Variants in MCTP2 observed in about 807,000 individuals in gnomAD.
MCTP2 encodes multiple C2 and transmembrane domain-containing protein 2.
In MCTP2, 132 loss-of-function variants were observed where a neutral mutation model predicts 111.6. The ratio of observed to expected loss-of-function variants is 1.18; its 90% CI spans 1.03 to 1.37. MCTP2 has a LOEUF of 1.37. Ranked by LOEUF, MCTP2 falls within the 40% of genes most tolerant of loss-of-function variation. MCTP2 has a pLI of 0.00. For missense variants in MCTP2, 1,183 were observed against 1,067.9 expected, an observed-to-expected ratio of 1.11 and a Z score of -1.50; for synonymous variants, 395 against 387.7, an observed-to-expected ratio of 1.02 and a Z score of -0.22.
intron 14 of MCTP2, among the ~76,000 whole-genome samples, chr15:94,392,880 C>T (rs564148600): frequency 1.3e-5 from 2 of 151,964 alleles, no homozygotes; most frequent in Non-Finnish European, 2.9e-5. Flanking sequence ...GAGCTATTCC[C>T]TCTATTTTCT....
At chr15:94,285,952 C>T (rs2074734090) in intron 1 of MCTP2, among the ~76,000 whole-genome samples, 1 of 152,140 alleles carries the variant, frequency 6.6e-6, no homozygotes, top group African/African-American at 2.4e-5. Flanking sequence ...GAAGGGGTTT[C>T]TGTCCACGTG....
At chr15:94,236,658 T>C (rs1385327692) in intron 1 of MCTP2, among the ~76,000 whole-genome samples, 1 of 152,156 alleles carries the variant, frequency 6.6e-6, no homozygotes, top group East Asian at 1.9e-4. Context: ...GGTCACTGGT[T>C]GCCTGCCTAG....
intron 3 of MCTP2, among the ~76,000 whole-genome samples, chr15:94,315,025 G>C (rs1035068843): frequency 6.6e-6 from 1 of 152,206 alleles, no homozygotes. Flanking sequence ...GGGGGCATCA[G>C]CTGAGTGCCC....
intron 18 of MCTP2, among the ~76,000 whole-genome samples, chr15:94,442,288 A>G (rs946721872): frequency 7.9e-5 from 12 of 152,296 alleles, no homozygotes; most frequent in African/African-American, 2.9e-4. Context: ...CAAGATTTTT[A>G]TATTCATCTA....
intron 1 of MCTP2, among the ~76,000 whole-genome samples, chr15:94,243,715 G>C (rs2071348625): frequency 7.9e-6 from 1 of 126,464 alleles, no homozygotes; most frequent in African/African-American, 3.4e-5. Context: ...ACACATATAT[G>C]TATACACATA....
At chr15:94,353,265 T>C (rs986606347) in intron 8 of MCTP2, among the ~76,000 whole-genome samples, 12 of 152,166 alleles carry the variant, frequency 7.9e-5, no homozygotes, top group Non-Finnish European at 4.4e-5. Flanking sequence ...GATGTTATGG[T>C]GTAATGCAGC....
intron 7 of MCTP2, among the ~76,000 whole-genome samples, chr15:94,344,808 G>T (rs779041306): frequency 1.9e-4 from 29 of 152,114 alleles, no homozygotes; most frequent in Non-Finnish European, 2.2e-4. Flanking sequence ...AAACCTTTCT[G>T]CTTTTTTAGA....
chr15:94,266,632 G>A (rs760439342), intron 1 of MCTP2, among the ~76,000 whole-genome samples: 37 of 152,166 alleles, frequency 2.4e-4, no homozygotes, highest in Non-Finnish European at 4.3e-4. Flanking sequence ...TGCTGTAGTT[G>A]GGCGGTAGGT....
intron 1 of MCTP2, among the ~76,000 whole-genome samples, chr15:94,274,586 T>C (rs1160073416): frequency 6.6e-6 from 1 of 152,120 alleles, no homozygotes; most frequent in Non-Finnish European, 1.5e-5. Flanking sequence ...ATATTATGAA[T>C]AACTCTAGTC....
At position 94,384,030 on chromosome 15, in the gene MCTP2, G is replaced by A. The variant is rs753416985; in HGVS notation, c.1591G>A (p.Asp531Asn). The A allele has an allele frequency of 6.2e-7, 1 of 1,612,468 alleles. No homozygotes were observed. Among genetic ancestry groups the A allele is most frequent in the East Asian group, 2.2e-5 (1 of 44,802 alleles). Residue 531 changes from aspartate (D) to asparagine (N), a missense_variant, in exon 13 of 23, where the codon GAC becomes AAC. By Grantham distance (23) the Asp-to-Asn change is conservative (BLOSUM62 1). Transcript: ENST00000357742. ...LLAADFSGKS[D>N]PFCLLELGND... ...GTATGTTATCTTTCCAGGGAAGAGT[G>A]ACCCATTTTGCTTGTTGGAGTTAGG...
chr15:94,305,506 A>G (rs2152346175), intron 2 of MCTP2, among the ~76,000 whole-genome samples: 1 of 152,198 alleles, frequency 6.6e-6, no homozygotes. Flanking sequence ...TATGTATGGG[A>G]GTGTATATAT....
At chr15:94,381,457 T>C (rs2080130994) in intron 12 of MCTP2, among the ~76,000 whole-genome samples, 1 of 152,214 alleles carries the variant, frequency 6.6e-6, no homozygotes, top group African/African-American at 2.4e-5. Context: ...AGTCTGTTCC[T>C]CATTAGCTGG....
intron 1 of MCTP2, among the ~76,000 whole-genome samples, chr15:94,248,695 C>A (rs1259756487): frequency 6.6e-6 from 1 of 152,156 alleles, no homozygotes; most frequent in Non-Finnish European, 1.5e-5. Flanking sequence ...TAAATCTTTT[C>A]AACACTGGAT....
intron 1 of MCTP2, among the ~76,000 whole-genome samples, chr15:94,249,707 G>A (rs918600343): frequency 7.2e-5 from 11 of 151,858 alleles, no homozygotes; most frequent in Non-Finnish European, 1.0e-4. Context: ...GTATGGTCTC[G>A]ATCTCCTGAC....
chr15:94,466,921 AT>A (rs1459759739), intron 20 of MCTP2, among the ~76,000 whole-genome samples: 1 of 152,082 alleles, frequency 6.6e-6, no homozygotes, highest in Admixed American at 6.5e-5. Context: ...AATTTGATTT[AT>A]TTTTGTAGCT....
intron 19 of MCTP2, among the ~76,000 whole-genome samples, chr15:94,453,935 T>C (rs577306604): frequency 1.3e-5 from 2 of 152,330 alleles, no homozygotes; most frequent in African/African-American, 4.8e-5. Flanking sequence ...TATATCTCTC[T>C]GTGGAGCATG....
chr15:94,445,240 A>T (rs941616221), intron 19 of MCTP2, among the ~76,000 whole-genome samples: 1 of 152,212 alleles, frequency 6.6e-6, no homozygotes, highest in South Asian at 2.1e-4. Flanking sequence ...TGCTGGCATT[A>T]GGGTTCTCCT....
chr15:94,393,501 C>T (rs373868429), intron 14 of MCTP2, among the ~76,000 whole-genome samples: 9 of 151,934 alleles, frequency 5.9e-5, no homozygotes, highest in East Asian at 5.8e-4. Context: ...ACACTTGTAA[C>T]AAACTTCATT....
intron 10 of MCTP2, among the ~76,000 whole-genome samples, chr15:94,361,129 T>C (rs1166629241): frequency 7.0e-6 from 1 of 143,826 alleles, no homozygotes; most frequent in African/African-American, 2.5e-5. Context: ...ACACATTTGC[T>C]TTTCTTTGTG....
Sources: allele counts gnomAD v4.1 joint callset (sites outside exome capture counted in the v4.1 genomes callset), GRCh38; gene constraint gnomAD v4.1.1; transcripts MANE v1.5; gene names NCBI Gene and HGNC (gene_info 2026-07-23, HGNC 2026-07-21).